Variants in DOCK3 observed in about 807,000 individuals in gnomAD.
The protein encoded by DOCK3 is dedicator of cytokinesis 3, also known as dedicator of cytokinesis protein 3.
In DOCK3, 60 loss-of-function variants were observed where a neutral mutation model predicts 265.6. The ratio of observed to expected loss-of-function variants is 0.23; its 90% CI spans 0.18 to 0.28. DOCK3 has a LOEUF of 0.28. Ranked by LOEUF, DOCK3 falls within the 10% of genes least tolerant of loss-of-function variation. The probability of loss-of-function intolerance (pLI) is 1.00; values close to 1 mark genes in which losing one functional copy is unlikely to be tolerated. For synonymous variants in DOCK3, 881 were observed against 938.0 expected (o/e 0.94, Z 1.11); for missense variants, 1,981 against 2,594.3 (o/e 0.76, Z 5.14).
intron 38 of DOCK3, among the ~76,000 whole-genome samples, chr3:51,342,565 C>T (rs2085311014): frequency 6.6e-6 from 1 of 152,342 alleles, no homozygotes; most frequent in Admixed American, 6.5e-5. Flanking sequence ...ATGACATAAG[C>T]GTGGTGTGAG....
intron 18 of DOCK3, 60 bp from the exon 19 acceptor site, chr3:51,229,449 TAAA>T (rs113104131): frequency 7.6e-4 from 801 of 1,053,930 alleles, no homozygotes; most frequent in South Asian, 1.7e-3. Context: ...AGACTCCGTC[TAAA>T]AAAAAAAAAA....
intron 4 of DOCK3, among the ~76,000 whole-genome samples, chr3:50,918,296 A>C (rs1446989052): frequency 6.6e-6 from 1 of 152,118 alleles, no homozygotes; most frequent in African/African-American, 2.4e-5. Flanking sequence ...GGCTGGGTCA[A>C]ATGGTATTTC....
intron 1 of DOCK3, among the ~76,000 whole-genome samples, chr3:50,731,131 C>CAAA (rs58878539): frequency 9.0e-5 from 9 of 99,576 alleles, no homozygotes; most frequent in Non-Finnish European, 1.9e-4. Context: ...GACTCTGTCT[C>CAAA]AAAAAAAAAA....
At chr3:51,052,637 G>T (rs2081037129) in intron 5 of DOCK3, among the ~76,000 whole-genome samples, 1 of 152,216 alleles carries the variant, frequency 6.6e-6, no homozygotes, top group East Asian at 1.9e-4. Flanking sequence ...CTGCATGCCA[G>T]TGTGCACTTT....
rs1169250690 is a variant in DOCK3, at chr3:51,382,437, TAGAG to T, written c.*882_*885del. 30 of 152,636 alleles carry T rather than the reference TAGAG, an allele frequency of 2.0e-4. No homozygotes were observed. The highest frequency in any genetic ancestry group is 6.5e-4 in the African/African-American group (27 of 41,440). The allele number at this position is 152,636 out of a possible 1,614,324, so 9.5% of individuals were successfully genotyped here. ...GGGAGCTGGTCCCCTTCCTATGTGG[TAGAG>T]AGACTGGTGTAAGAGTGTGGGGTGT... is the stretch of plus-strand genomic sequence containing the variant. On this transcript the variant is annotated 3_prime_UTR_variant, in exon 53 of 53. Coordinates refer to ENST00000266037, the MANE Select transcript of DOCK3 (RefSeq NM_004947.5).
intron 2 of DOCK3, among the ~76,000 whole-genome samples, chr3:50,817,483 A>C (rs2044154466): frequency 6.6e-6 from 1 of 150,634 alleles, no homozygotes. Context: ...TTTTATAGAG[A>C]CAGAGGTCCC....
At chr3:50,856,546 TTC>T (rs1385506385) in intron 3 of DOCK3, among the ~76,000 whole-genome samples, 1 of 152,220 alleles carries the variant, frequency 6.6e-6, no homozygotes, top group Non-Finnish European at 1.5e-5. Context: ...TTTGTTTTTT[TTC>T]TTGTAAATTT....
At chr3:51,047,839 A>G (rs1351138016) in intron 5 of DOCK3, among the ~76,000 whole-genome samples, 1 of 152,178 alleles carries the variant, frequency 6.6e-6, no homozygotes, top group Non-Finnish European at 1.5e-5. Context: ...ATCCTTGTTA[A>G]CGCTTATAAA....
intron 5 of DOCK3, among the ~76,000 whole-genome samples, chr3:51,046,997 A>G (rs972717419): frequency 5.3e-5 from 8 of 152,160 alleles, no homozygotes; most frequent in Non-Finnish European, 1.0e-4. Context: ...GCAAATGAAA[A>G]TGAAAACAAA....
intron 5 of DOCK3, among the ~76,000 whole-genome samples, chr3:51,009,048 G>A (rs9813718): frequency 0.9 from 137,200 of 152,186 alleles, 62,039 homozygotes; most frequent in African/African-American, 0.95. Flanking sequence ...TTTCACATCA[G>A]TGTTCATCAG....
intron 5 of DOCK3, among the ~76,000 whole-genome samples, chr3:51,011,006 C>T (rs1218718387): frequency 1.3e-5 from 2 of 152,172 alleles, no homozygotes; most frequent in African/African-American, 4.8e-5. Context: ...GTCTGACGGG[C>T]TTCCCTTTGT....
chr3:50,929,414 TA>T, intron 4 of DOCK3, among the ~76,000 whole-genome samples: 1 of 152,348 alleles, frequency 6.6e-6, no homozygotes, highest in African/African-American at 2.4e-5. Flanking sequence ...TGCAGCTTGC[TA>T]AAAACCATAG....
At position 51,012,645 on chromosome 3, in the gene DOCK3, C is replaced by G. The variant is rs554695424; in HGVS notation, c.316-51803C>G. ...TTTGGCTCACACCCGGTGGACTGCA[C>G]CCACTGTCCTGCACCCACTGTCCGA... On this transcript the variant is annotated intron_variant, in intron 5 of 52. Transcript: ENST00000266037. 2.0e-5 allele frequency among the ~76,000 whole-genome samples: 3 copies of G among 150,746 alleles called. No homozygotes were observed. In the South Asian group the frequency reaches 6.2e-4, roughly 31 times the overall value.
intron 16 of DOCK3, among the ~76,000 whole-genome samples, chr3:51,227,677 A>T (rs572007824): frequency 3.3e-5 from 5 of 152,286 alleles, no homozygotes; most frequent in African/African-American, 1.2e-4. Context: ...TAGTGTCTGA[A>T]ATTATTATCC....
intron 1 of DOCK3, among the ~76,000 whole-genome samples, chr3:50,752,643 G>T (rs1209630655): frequency 6.6e-6 from 1 of 151,738 alleles, no homozygotes; most frequent in Non-Finnish European, 1.5e-5. Flanking sequence ...TGGCATGGTG[G>T]TGCACACACC....
chr3:51,128,340 C>T (rs942929082), intron 9 of DOCK3, among the ~76,000 whole-genome samples: 5 of 152,224 alleles, frequency 3.3e-5, no homozygotes, highest in Non-Finnish European at 7.4e-5. Flanking sequence ...GAGAACTTTG[C>T]CCCAGCCCTG....
intron 6 of DOCK3, among the ~76,000 whole-genome samples, chr3:51,067,454 T>TGTGTGTGTGTGC (rs767323623): frequency 6.7e-6 from 1 of 149,860 alleles, no homozygotes; most frequent in Non-Finnish European, 1.5e-5. Context: ...TGTGTGTGTG[T>TGTGTGTGTGTGC]GTGCGCGCGC....
chr3:50,849,725 A>T (rs1373052316), intron 3 of DOCK3, among the ~76,000 whole-genome samples: 2 of 152,208 alleles, frequency 1.3e-5, no homozygotes, highest in African/African-American at 2.4e-5. Flanking sequence ...CTTTTGGAAA[A>T]TGTAAAAATT....
intron 5 of DOCK3, among the ~76,000 whole-genome samples, chr3:50,961,732 G>A (rs2108392873): frequency 6.6e-6 from 1 of 152,204 alleles, no homozygotes; most frequent in African/African-American, 2.4e-5. Flanking sequence ...CTTATATAGG[G>A]ACAATATGGT....
Sources: gnomAD v4.1 joint callset for allele counts (sites outside exome capture counted in the v4.1 genomes callset) on GRCh38, gnomAD v4.1.1 for gene constraint, MANE v1.5 for transcripts, NCBI Gene and HGNC (gene_info 2026-07-23, HGNC 2026-07-21) for gene names.